TTC28: variants seen among roughly 807,000 people sequenced by gnomAD.
The protein encoded by TTC28 is tetratricopeptide repeat protein 28.
TTC28 carries 61 observed loss-of-function variants against 198.0 expected under a neutral mutation model. The observed-to-expected ratio is 0.31, with a 90% CI of 0.25 to 0.38. The LOEUF is 0.38. Among genes scored for constraint, TTC28 ranks in the 10% least tolerant of loss-of-function variants. The pLI, the probability that TTC28 is intolerant of heterozygous loss-of-function variation, is 1.00. For synonymous variants in TTC28, 1,171 were observed against 1,297.8 expected, an observed-to-expected ratio of 0.90 and a Z score of 2.10; for missense variants, 2,678 against 3,164.0, an observed-to-expected ratio of 0.85 and a Z score of 3.69.
At chr22:28,476,614 G>A (rs2048171123) in intron 2 of TTC28, among the ~76,000 whole-genome samples, 4 of 152,086 alleles carry the variant, frequency 2.6e-5, no homozygotes, top group African/African-American at 9.7e-5. Context: ...CTGTTAAATG[G>A]CATTTCTATA....
At chr22:28,208,665 G>T (rs183917586) in intron 5 of TTC28, among the ~76,000 whole-genome samples, 1 of 152,228 alleles carries the variant, frequency 6.6e-6, no homozygotes, top group East Asian at 1.9e-4. Context: ...ACTATGCTAT[G>T]AATTCAAGCT....
chr22:28,415,519 T>C (rs370919601), intron 2 of TTC28, among the ~76,000 whole-genome samples: 5 of 152,268 alleles, frequency 3.3e-5, no homozygotes, highest in East Asian at 3.9e-4. Flanking sequence ...AAAAGGTAAA[T>C]ATGATTTGAA....
chr22:28,530,660 A>C (rs1196782004), intron 2 of TTC28, among the ~76,000 whole-genome samples: 1 of 152,216 alleles, frequency 6.6e-6, no homozygotes, highest in Non-Finnish European at 1.5e-5. Context: ...AGCCAGAGAG[A>C]AAGGTCGGGT....
At chr22:28,101,933 G>A (rs574819902) in intron 8 of TTC28, among the ~76,000 whole-genome samples, 11 of 152,116 alleles carry the variant, frequency 7.2e-5, no homozygotes, top group Non-Finnish European at 1.3e-4. Flanking sequence ...AGGATGCCTC[G>A]GCAAGAGCCC....
intron 12 of TTC28, among the ~76,000 whole-genome samples, chr22:28,075,845 T>C (rs1263212552): frequency 6.6e-6 from 1 of 152,170 alleles, no homozygotes; most frequent in African/African-American, 2.4e-5. Flanking sequence ...ACAGGCCTCT[T>C]TGTTCCGACC....
intron 2 of TTC28, among the ~76,000 whole-genome samples, chr22:28,546,558 T>C (rs2049547486): frequency 6.6e-6 from 1 of 152,226 alleles, no homozygotes; most frequent in South Asian, 2.1e-4. Flanking sequence ...ACAAACACTA[T>C]GGCAAACAAT....
intron 12 of TTC28, among the ~76,000 whole-genome samples, chr22:28,069,122 G>GT (rs1940866401): frequency 6.6e-6 from 1 of 152,204 alleles, no homozygotes. Flanking sequence ...AAGGCAGTGA[G>GT]TGAGTCATTT....
intron 6 of TTC28, among the ~76,000 whole-genome samples, chr22:28,116,277 G>A (rs1049334796): frequency 6.6e-6 from 1 of 152,208 alleles, no homozygotes; most frequent in African/African-American, 2.4e-5. Flanking sequence ...TAAGACTGCA[G>A]GTGAATAGCT....
intron 2 of TTC28, among the ~76,000 whole-genome samples, chr22:28,438,630 C>T (rs2047561592): frequency 6.6e-6 from 1 of 152,176 alleles, no homozygotes; most frequent in South Asian, 2.1e-4. Flanking sequence ...GTTTTGACTG[C>T]AGTCTTATTT....
In TTC28 at chr22:28,677,112, T is replaced by C. The variant is rs1265956806; in HGVS notation, c.102+2510A>G. ...GGAGGCTGCAGTGAGGCCAAGATCA[T>C]GCCATTGCACTCCAGCCTGGGTGAC... On this transcript the variant is annotated intron_variant, in intron 1 of 22. Coordinates refer to ENST00000397906, the MANE Select transcript of TTC28 (RefSeq NM_001145418.2). 6.8e-5 allele frequency among the ~76,000 whole-genome samples: 9 copies of C among 132,418 alleles called. No homozygotes were observed. In the East Asian group the frequency reaches 1.3e-3, roughly 19 times the overall value. 86.9% of individuals were successfully genotyped at this position (132,418 alleles called of 152,430 possible). A position where few individuals can be genotyped will look rare whatever the true frequency, so the allele number is the denominator to read the frequency against.
chr22:28,135,180 G>A (rs903553046), intron 6 of TTC28, among the ~76,000 whole-genome samples: 2 of 152,172 alleles, frequency 1.3e-5, no homozygotes, highest in African/African-American at 2.4e-5. Context: ...TGAGGTAGGG[G>A]TGGGGGACTG....
chr22:28,651,219 G>A lies in TTC28; in HGVS notation c.103-21389C>T, dbSNP rs77728827. Among the ~76,000 whole-genome samples the A allele has an allele frequency of 6.4e-3, 968 of 152,184 alleles. 10 individuals carry two copies. The highest frequency in any genetic ancestry group is 0.022 in the African/African-American group (909 of 41,516). On this transcript the variant is annotated intron_variant, in intron 1 of 22. Coordinates refer to ENST00000397906, the MANE Select transcript of TTC28 (RefSeq NM_001145418.2). ...TCACTATGTTGCACAGGCTGGTGTC[G>A]AACTCCTGTCCTCAAGTGAGTCTCC...
intron 12 of TTC28, among the ~76,000 whole-genome samples, chr22:28,093,690 ACT>A (rs1008597241): frequency 6.6e-6 from 1 of 151,956 alleles, no homozygotes; most frequent in Non-Finnish European, 1.5e-5. Context: ...GTACTAAATT[ACT>A]CTCTCAAATA....
chr22:28,597,671 A>C (rs1361651711), intron 2 of TTC28, among the ~76,000 whole-genome samples: 1 of 152,210 alleles, frequency 6.6e-6, no homozygotes, highest in East Asian at 1.9e-4. Context: ...AACTAGCAGT[A>C]TGGCAACTAG....
At chr22:28,387,857 C>T (rs898514286) in intron 2 of TTC28, among the ~76,000 whole-genome samples, 1 of 152,144 alleles carries the variant, frequency 6.6e-6, no homozygotes, top group Non-Finnish European at 1.5e-5. Context: ...AATTAGATCC[C>T]ATTTGTCAAT....
chr22:28,535,920 A>G (rs2049261031), intron 2 of TTC28, among the ~76,000 whole-genome samples: 1 of 152,136 alleles, frequency 6.6e-6, no homozygotes, highest in Non-Finnish European at 1.5e-5. Flanking sequence ...AAATTAAAAA[A>G]AAGACCTAGG....
intron 2 of TTC28, among the ~76,000 whole-genome samples, chr22:28,464,898 AT>A (rs1450769921): frequency 6.6e-6 from 1 of 152,214 alleles, no homozygotes; most frequent in Non-Finnish European, 1.5e-5. Context: ...CTTGAAAGCC[AT>A]TTATATTAAG....
chr22:28,140,652 G>A (rs1452162634), intron 6 of TTC28, among the ~76,000 whole-genome samples: 5 of 152,148 alleles, frequency 3.3e-5, no homozygotes, highest in Non-Finnish European at 7.3e-5. Context: ...GGCTATCCAC[G>A]GGCCTGGCCT....
chr22:28,045,138 G>A (rs1939812417), intron 12 of TTC28, among the ~76,000 whole-genome samples: 1 of 152,114 alleles, frequency 6.6e-6, no homozygotes, highest in Non-Finnish European at 1.5e-5. Context: ...TAATCACATC[G>A]ATAAGGCTCA....
Sources: gnomAD v4.1 joint callset for allele counts (sites outside exome capture counted in the v4.1 genomes callset) on GRCh38, gnomAD v4.1.1 for gene constraint, MANE v1.5 for transcripts, NCBI Gene and HGNC (gene_info 2026-07-23, HGNC 2026-07-21) for gene names.